Variants in CNTNAP2 observed in about 807,000 individuals in gnomAD.
CNTNAP2 encodes contactin associated protein 2.
Under a neutral mutation model 155.2 loss-of-function variants are expected in CNTNAP2, and 98 were observed. The observed-to-expected ratio is 0.63, with a 90% CI of 0.54 to 0.75. CNTNAP2 has a LOEUF of 0.75. CNTNAP2 is among the 30% of genes least tolerant of loss of function. CNTNAP2 has a pLI of 0.00. For synonymous variants in CNTNAP2, 651 were observed against 631.2 expected (o/e 1.03, Z -0.47); for missense variants, 1,727 against 1,688.1 (o/e 1.02, Z -0.40).
intron 1 of CNTNAP2, among the ~76,000 whole-genome samples, chr7:146,435,037 A>C: frequency 6.6e-6 from 1 of 152,132 alleles, no homozygotes; most frequent in East Asian, 1.9e-4. Context: ...TGATATAGAA[A>C]ATCAAAAGGT....
At position 147,804,582 on chromosome 7, in the gene CNTNAP2, C is replaced by G. The variant is rs572515214; in HGVS notation, c.2099-98983C>G. On this transcript the variant is annotated intron_variant, in intron 13 of 23. Coordinates refer to ENST00000361727, the MANE Select transcript of CNTNAP2 (RefSeq NM_014141.6). ...TGTTTGTTTTATTTTTAGACAGGGT[C>G]TCACTTTGTCACCCAGACTGGAGTA... 1.2e-4 allele frequency among the ~76,000 whole-genome samples: 18 copies of G among 151,930 alleles called. No individual in the cohort carries two copies. The South Asian group carries it at 3.7e-3, about 32-fold the overall frequency.
chr7:148,256,765 C>T (rs1796461942), intron 20 of CNTNAP2, among the ~76,000 whole-genome samples: 1 of 152,122 alleles, frequency 6.6e-6, no homozygotes, highest in South Asian at 2.1e-4. Flanking sequence ...TTCTTTCTTG[C>T]TCTTGGACCG....
chr7:146,146,397 A>G (rs1797958651), intron 1 of CNTNAP2, among the ~76,000 whole-genome samples: 1 of 152,184 alleles, frequency 6.6e-6, no homozygotes, highest in Admixed American at 6.6e-5. Context: ...GAGGAGATAA[A>G]CACACACATA....
intron 1 of CNTNAP2, among the ~76,000 whole-genome samples, chr7:146,481,120 C>G (rs950537220): frequency 1.3e-5 from 2 of 152,026 alleles, no homozygotes; most frequent in African/African-American, 4.8e-5. Context: ...TCAACTCATT[C>G]CAGCAAGTAA....
chr7:146,176,770 T>G (rs1187360146), intron 1 of CNTNAP2, among the ~76,000 whole-genome samples: 1 of 152,218 alleles, frequency 6.6e-6, no homozygotes, highest in Non-Finnish European at 1.5e-5. Context: ...GTAAGCAAAT[T>G]TGCCATTGTG....
intron 13 of CNTNAP2, among the ~76,000 whole-genome samples, chr7:147,865,376 G>C (rs1799209432): frequency 6.6e-6 from 1 of 152,144 alleles, no homozygotes; most frequent in Admixed American, 6.5e-5. Flanking sequence ...AGGGATATTG[G>C]TCTAAAATTC....
At chr7:146,138,660 A>G (rs1464071510) in intron 1 of CNTNAP2, among the ~76,000 whole-genome samples, 1 of 152,072 alleles carries the variant, frequency 6.6e-6, no homozygotes, top group Non-Finnish European at 1.5e-5. Context: ...CTAAGAATAT[A>G]TGTGTTTTTG....
chr7:147,163,133 A>AAGAACACAG (rs1294729438), intron 8 of CNTNAP2, among the ~76,000 whole-genome samples: 3 of 152,188 alleles, frequency 2.0e-5, no homozygotes, highest in Admixed American at 1.3e-4. Context: ...TTATATCTGC[A>AAGAACACAG]AGAACACAGA....
chr7:148,211,273 C>T (rs1795544375), intron 18 of CNTNAP2, among the ~76,000 whole-genome samples: 1 of 152,198 alleles, frequency 6.6e-6, no homozygotes, highest in African/African-American at 2.4e-5. Flanking sequence ...CTGCACAGAG[C>T]TTCAAGAATC....
intron 1 of CNTNAP2, among the ~76,000 whole-genome samples, chr7:146,557,147 A>T (rs1171520761): frequency 6.6e-6 from 1 of 151,960 alleles, no homozygotes; most frequent in African/African-American, 2.4e-5. Flanking sequence ...ATGCTTTCTG[A>T]CTCTTCTCCC....
chr7:148,327,958 C>A (rs1027082212), intron 21 of CNTNAP2, among the ~76,000 whole-genome samples: 1 of 152,100 alleles, frequency 6.6e-6, no homozygotes, highest in Admixed American at 6.6e-5. Context: ...CCTGAGGACA[C>A]TGGTTTCTGT....
chr7:146,259,484 A>G (rs114231121), intron 1 of CNTNAP2, among the ~76,000 whole-genome samples: 1,900 of 152,272 alleles, frequency 0.012, 25 homozygotes, highest in African/African-American at 0.042. Flanking sequence ...AGGCCTTGGT[A>G]GTCACAGATG....
chr7:147,884,259 A>G (rs116916385), intron 13 of CNTNAP2, among the ~76,000 whole-genome samples: 1,672 of 152,306 alleles, frequency 0.011, 88 homozygotes, highest in Admixed American at 0.091. Context: ...GTCAGTGATA[A>G]ATAAGGAATT....
intron 21 of CNTNAP2, among the ~76,000 whole-genome samples, chr7:148,351,608 T>C (rs1390488750): frequency 6.6e-6 from 1 of 151,460 alleles, no homozygotes. Context: ...CTGGGCGTGG[T>C]GGTGTGTGCC....
chr7:146,224,704 G>A (rs1165821550), intron 1 of CNTNAP2, among the ~76,000 whole-genome samples: 1 of 152,166 alleles, frequency 6.6e-6, no homozygotes, highest in Non-Finnish European at 1.5e-5. Flanking sequence ...GGGAGGCGGA[G>A]CTTGCAGTGA....
chr7:147,387,906 A>C (rs1309251351), intron 9 of CNTNAP2, among the ~76,000 whole-genome samples: 2 of 152,096 alleles, frequency 1.3e-5, no homozygotes, highest in Non-Finnish European at 1.5e-5. Context: ...ACCTATTGAT[A>C]TGCCTTGCCT....
chr7:147,494,866 CCAAACTGTGTT>C (rs1209870009), intron 11 of CNTNAP2, among the ~76,000 whole-genome samples: 1 of 152,106 alleles, frequency 6.6e-6, no homozygotes, highest in Admixed American at 6.5e-5. Context: ...TTCTCTGAAA[CCAAACTGTGTT>C]TGGTTTCCAT....
At chr7:148,380,332 G>A (rs1056101221) in intron 21 of CNTNAP2, among the ~76,000 whole-genome samples, 2 of 152,196 alleles carry the variant, frequency 1.3e-5, no homozygotes, top group African/African-American at 4.8e-5. Context: ...ATTTGTAGAT[G>A]TTCTTAAGAA....
intron 20 of CNTNAP2, among the ~76,000 whole-genome samples, chr7:148,253,907 C>A (rs1235617769): frequency 6.6e-6 from 1 of 152,138 alleles, no homozygotes; most frequent in Non-Finnish European, 1.5e-5. Context: ...ATACTCAAAT[C>A]TTGTGGTCAG....
Sources: gnomAD v4.1 joint callset for allele counts (sites outside exome capture counted in the v4.1 genomes callset) on GRCh38, gnomAD v4.1.1 for gene constraint, MANE v1.5 for transcripts, NCBI Gene and HGNC (gene_info 2026-07-23, HGNC 2026-07-21) for gene names.